Variants in MDM4 observed in about 807,000 individuals in gnomAD.
The protein encoded by MDM4 is protein Mdm4.
In MDM4, 2 loss-of-function variants were observed where a neutral mutation model predicts 60.2. The observed-to-expected ratio is 0.03, with a 90% CI of 0.01 to 0.10. The LOEUF is 0.10. Ranked by LOEUF, MDM4 falls within the 10% of genes least tolerant of loss-of-function variation. The pLI is 1.00. For synonymous variants in MDM4, 202 were observed against 198.1 expected (o/e 1.02, Z -0.17); for missense variants, 447 against 577.5 (o/e 0.77, Z 2.32).
rs557173393 is a variant in MDM4 at position 204,550,130 on chromosome 1, G to GTT, written c.*461_*462dup. On this transcript the variant is annotated 3_prime_UTR_variant, in exon 11 of 11. Coordinates refer to ENST00000367182, the MANE Select transcript of MDM4 (RefSeq NM_002393.5). ...CAGCTATTTCATGGCTCTCACCCTA[G>GTT]TTTTTTTTTTTTTTGCACTTTTTTT... 0.023 allele frequency: 4,745 copies of GTT among 207,092 alleles called. 2 individuals are homozygous for GTT. Among genetic ancestry groups the GTT allele is most frequent in the Middle Eastern group, 0.056 (40 of 712 alleles). The allele number at this position is 207,092 out of a possible 1,614,324, so 12.8% of individuals were successfully genotyped here. A position where few individuals can be genotyped will look rare whatever the true frequency, so the allele number is the denominator to read the frequency against.
rs1434135786 is a variant in MDM4, at chr1:204,557,505, C to T, written c.*7823C>T. 5 of 173,162 alleles carry T rather than the reference C, an allele frequency of 2.9e-5. No individual in the cohort carries two copies. Among genetic ancestry groups the T allele is most frequent in the South Asian group, 2.0e-4 (1 of 5,020 alleles). The allele number at this position is 173,162 out of a possible 1,614,324, so 10.7% of individuals were successfully genotyped here. A position where few individuals can be genotyped will look rare whatever the true frequency, so the allele number is the denominator to read the frequency against. ...GCAACCCCCGCCTCCTGGGTTCAAG[C>T]GATCCTCCTGCCTCAACCTCTCAAG... On this transcript the variant is annotated 3_prime_UTR_variant, in exon 11 of 11. Coordinates refer to ENST00000367182, the MANE Select transcript of MDM4 (RefSeq NM_002393.5).
In MDM4 at chr1:204,546,791, TCACAG is replaced by T; in HGVS notation, c.823-5_823-1del. 1 of 1,607,180 alleles carries T rather than the reference TCACAG, an allele frequency of 6.2e-7. No individual in the cohort carries two copies. Among genetic ancestry groups the T allele is most frequent in the African/African-American group, 1.3e-5 (1 of 74,806 alleles). On this transcript the variant is annotated splice_acceptor_variant and splice_polypyrimidine_tract_variant and intron_variant, in intron 9 of 10. Transcript: ENST00000367182. LOFTEE classifies it high-confidence loss of function. ...CATTACTAATGAGATGTTTTTGCCT[TCACAG>T]GTGATTGAAGTGGGAAAAAATGATG...
chr1:204,529,210 A>G (rs185520808), intron 3 of MDM4: 6 of 746,492 alleles, frequency 8.0e-6, no homozygotes, highest in African/African-American at 5.1e-5. Context: ...GGTCTTGTCA[A>G]ACATGTTTAT....
At chr1:204,528,734 G>C (rs1485523881) in intron 3 of MDM4, 2 of 693,654 alleles carry the variant, frequency 2.9e-6, no homozygotes, top group African/African-American at 3.5e-5. Flanking sequence ...AAGCAAGGGA[G>C]AATGTTCTTC....
intron 9 of MDM4, among the ~76,000 whole-genome samples, chr1:204,545,229 C>T (rs1662535984): frequency 6.6e-6 from 1 of 152,156 alleles, no homozygotes; most frequent in South Asian, 2.1e-4. Flanking sequence ...TCTTGGAAAT[C>T]TTGATAGCTT....
At chr1:204,533,959 GT>G (rs1007487533) in intron 5 of MDM4, among the ~76,000 whole-genome samples, 4 of 151,638 alleles carry the variant, frequency 2.6e-5, no homozygotes, top group African/African-American at 9.7e-5. Context: ...GGCTAATTTT[GT>G]TTTTTTGTAG....
At chr1:204,544,831 C>T (rs1258422322) in intron 9 of MDM4, 147 bp downstream of exon 9, 1 of 817,650 alleles carries the variant, frequency 1.2e-6, no homozygotes. Context: ...TTTTAAGATT[C>T]ACATTAAGTA....
intron 3 of MDM4, among the ~76,000 whole-genome samples, chr1:204,526,643 T>A (rs1171704250): frequency 6.6e-6 from 1 of 151,984 alleles, no homozygotes; most frequent in Non-Finnish European, 1.5e-5. Context: ...TTTTGTATTT[T>A]TAGTAGAGAT....
At chr1:204,520,473 G>A (rs1278492807) in intron 1 of MDM4, among the ~76,000 whole-genome samples, 1 of 151,512 alleles carries the variant, frequency 6.6e-6, no homozygotes, top group Non-Finnish European at 1.5e-5. Flanking sequence ...CAAGGGAAAT[G>A]AAAACAATAG....
chr1:204,526,474 T>TC, intron 3 of MDM4, 40 bp downstream of exon 3: 1 of 1,530,298 alleles, frequency 6.5e-7, no homozygotes, highest in Non-Finnish European at 8.9e-7. Flanking sequence ...TTTGTTTTTT[T>TC]TTTTTTTGAG....
intron 1 of MDM4, among the ~76,000 whole-genome samples, chr1:204,520,018 C>T (rs1336010786): frequency 2.0e-5 from 3 of 152,248 alleles, no homozygotes; most frequent in East Asian, 3.9e-4. Context: ...TGGCTTATGC[C>T]TGTAATCCCA....
rs918030575 is a variant in MDM4 at position 204,557,935 on chromosome 1, C to T, written c.*8253C>T. On this transcript the variant is annotated 3_prime_UTR_variant, in exon 11 of 11. Transcript: ENST00000367182. ...ATAATAATAATAATAATAATAACAA[C>T]AACTTATTGAATGTGGCCAGCTCAC... 18 of 175,634 alleles carry T rather than the reference C, an allele frequency of 1.0e-4. No individual in the cohort carries two copies. The highest frequency in any genetic ancestry group is 1.8e-4 in the Non-Finnish European group (15 of 81,762). 10.9% of individuals were successfully genotyped at this position (175,634 alleles called of 1,614,324 possible).
chr1:204,553,865 C>A lies in MDM4; in HGVS notation c.*4183C>A. 4.5e-6 allele frequency: 1 copy of A among 221,528 alleles called. No individual in the cohort carries two copies. The highest frequency in any genetic ancestry group is 9.0e-6 in the Non-Finnish European group (1 of 110,770). The allele number at this position is 221,528 out of a possible 1,614,324, so 13.7% of individuals were successfully genotyped here. A position where few individuals can be genotyped will look rare whatever the true frequency, so the allele number is the denominator to read the frequency against. ...ATGGTATGCCATTTCCCCAGTCTAC[C>A]AATGGAATAGTATGGGTTTCTAATC... On this transcript the variant is annotated 3_prime_UTR_variant, in exon 11 of 11. Transcript: ENST00000367182.
In MDM4 at chr1:204,550,298, T is replaced by C. The variant is rs1663082767; in HGVS notation, c.*616T>C. On this transcript the variant is annotated 3_prime_UTR_variant, in exon 11 of 11. Transcript: ENST00000367182. ...AAGTGGTCTTCCCACTTCAGCCTCCTGAGTAGCTGAGACTATAGACTAGCA... is the reference window on the plus strand; with the variant it reads ...AAGTGGTCTTCCCACTTCAGCCTCCCGAGTAGCTGAGACTATAGACTAGCA... 3 of 228,874 alleles carry C rather than the reference T, an allele frequency of 1.3e-5. No homozygotes were observed. In the South Asian group the frequency reaches 5.5e-4, roughly 42 times the overall value. 14.2% of individuals were successfully genotyped at this position (228,874 alleles called of 1,614,324 possible).
At position 204,556,580 on chromosome 1, in the gene MDM4, C is replaced by T. The variant is rs935641100; in HGVS notation, c.*6898C>T. The T allele has an allele frequency of 6.9e-5, 14 of 202,030 alleles. No individual in the cohort carries two copies. Among genetic ancestry groups the T allele is most frequent in the Non-Finnish European group, 1.1e-4 (11 of 98,400 alleles). The allele number at this position is 202,030 out of a possible 1,614,324, so 12.5% of individuals were successfully genotyped here. ...GGGCATGGTGGGTGCATGCTTGTCC[C>T]AGCTACTGAGGAGGCTGAGGTGGGA... On this transcript the variant is annotated 3_prime_UTR_variant, in exon 11 of 11. Coordinates refer to ENST00000367182, the MANE Select transcript of MDM4 (RefSeq NM_002393.5).
rs759386143 is a variant in MDM4, at chr1:204,549,095, C to T, written c.904-18C>T. 1 of 1,497,084 alleles carries T rather than the reference C, an allele frequency of 6.7e-7. No individual in the cohort carries two copies. The highest frequency in any genetic ancestry group is 1.9e-5 in the Admixed American group (1 of 53,080). The allele number at this position is 1,497,084 out of a possible 1,614,324, so 92.7% of individuals were successfully genotyped here. A position where few individuals can be genotyped will look rare whatever the true frequency, so the allele number is the denominator to read the frequency against. ...TATTAACCCCCTGAGTATTAATTGG[C>T]TTCACTTGTCTTTGTAGGATGAGTG... On this transcript the variant is annotated intron_variant, in intron 10 of 10. Transcript: ENST00000367182.
intron 1 of MDM4, among the ~76,000 whole-genome samples, chr1:204,518,753 C>T (rs1246595343): frequency 6.6e-6 from 1 of 152,218 alleles, no homozygotes; most frequent in Non-Finnish European, 1.5e-5. Flanking sequence ...GCAACCTCTG[C>T]CTTCTGGGTT....
chr1:204,528,858 G>A, intron 3 of MDM4: 1 of 1,563,340 alleles, frequency 6.4e-7, no homozygotes, highest in East Asian at 2.2e-5. Flanking sequence ...TAGCATCCGA[G>A]CTGTCATGGT....
chr1:204,537,371 GT>G, intron 5 of MDM4, 58 bp from the exon 6 acceptor site: 1 of 1,365,028 alleles, frequency 7.3e-7, no homozygotes, highest in Non-Finnish European at 1.0e-6. Flanking sequence ...GGTCCTTTTT[GT>G]GTGGAAAGAA....
Sources: gnomAD v4.1 joint callset for allele counts (sites outside exome capture counted in the v4.1 genomes callset) on GRCh38, gnomAD v4.1.1 for gene constraint, MANE v1.5 for transcripts, NCBI Gene and HGNC (gene_info 2026-07-23, HGNC 2026-07-21) for gene names.